PDIA5: variants seen among roughly 807,000 people sequenced by gnomAD.
PDIA5 encodes protein disulfide-isomerase A5.
PDIA5 carries 58 observed loss-of-function variants against 77.6 expected under a neutral mutation model. The ratio of observed to expected loss-of-function variants is 0.75; its 90% confidence interval spans 0.61 to 0.93. The LOEUF (loss-of-function observed/expected upper bound fraction) is 0.93, where lower values mean the gene tolerates loss of function less well. PDIA5 is among the 40% of genes least tolerant of loss of function. PDIA5 has a pLI of 0.00. For synonymous variants in PDIA5, 250 were observed against 252.1 expected (o/e 0.99, Z 0.08); for missense variants, 630 against 647.7 (o/e 0.97, Z 0.30).
chr3:123,141,242 GC>G (rs1349076098), intron 11 of PDIA5, among the ~76,000 whole-genome samples: 2 of 152,192 alleles, frequency 1.3e-5, no homozygotes, highest in African/African-American at 4.8e-5. Flanking sequence ...CATGGGCCCT[GC>G]CAGCAGCTGG....
intron 1 of PDIA5, among the ~76,000 whole-genome samples, chr3:123,070,929 G>T (rs949551860): frequency 4.0e-5 from 6 of 151,720 alleles, no homozygotes; most frequent in Admixed American, 6.6e-5. Flanking sequence ...AAAAAAAAAT[G>T]GTGTATTTTT....
At chr3:123,081,296 T>C (rs1933998041) in intron 1 of PDIA5, among the ~76,000 whole-genome samples, 1 of 152,172 alleles carries the variant, frequency 6.6e-6, no homozygotes, top group African/African-American at 2.4e-5. Context: ...GGAAACAGAC[T>C]TGGAGAAGGA....
intron 8 of PDIA5, 62 bp from the exon 9 acceptor site, chr3:123,124,004 T>A (rs113671183): frequency 1.1e-5 from 11 of 1,002,404 alleles, no homozygotes; most frequent in Non-Finnish European, 1.8e-5. Context: ...ACAGATGGCG[T>A]GTGGACTAGA....
chr3:123,082,559 C>G (rs1442500370), intron 1 of PDIA5, among the ~76,000 whole-genome samples: 1 of 151,996 alleles, frequency 6.6e-6, no homozygotes, highest in African/African-American at 2.4e-5. Context: ...TTTCTGGTGG[C>G]TGAATGTGTG....
chr3:123,084,247 T>G (rs1033899279), intron 1 of PDIA5, among the ~76,000 whole-genome samples: 17 of 152,150 alleles, frequency 1.1e-4, no homozygotes, highest in African/African-American at 3.9e-4. Flanking sequence ...CTTCCCATTA[T>G]CACCGCAGCT....
At chr3:123,129,160 T>C (rs1935313734) in intron 10 of PDIA5, among the ~76,000 whole-genome samples, 1 of 152,250 alleles carries the variant, frequency 6.6e-6, no homozygotes, top group Non-Finnish European at 1.5e-5. Context: ...TGGTGGTGTT[T>C]TGAGGGGTCA....
chr3:123,128,367 T>C (rs1935290798), intron 10 of PDIA5, among the ~76,000 whole-genome samples: 2 of 152,204 alleles, frequency 1.3e-5, no homozygotes. Flanking sequence ...AACTAGAAGT[T>C]CCTCCCGTTC....
At chr3:123,143,391 A>AAG (rs201851049) in intron 11 of PDIA5, among the ~76,000 whole-genome samples, 14 of 148,780 alleles carry the variant, frequency 9.4e-5, no homozygotes, top group African/African-American at 3.0e-4. Flanking sequence ...CATCTCAAAA[A>AAG]AAAAAAAAAA....
chr3:123,142,956 A>G (rs1210096387), intron 11 of PDIA5, among the ~76,000 whole-genome samples: 1 of 152,114 alleles, frequency 6.6e-6, no homozygotes, highest in Non-Finnish European at 1.5e-5. Context: ...TCAACCCAGG[A>G]GTTGTCTACT....
chr3:123,128,177 A>G (rs836859), intron 10 of PDIA5, among the ~76,000 whole-genome samples: 108,325 of 152,208 alleles, frequency 0.71, 39,478 homozygotes, highest in Non-Finnish European at 0.8. Flanking sequence ...GTTTTCAGCC[A>G]CAGGCTATAG....
chr3:123,102,130 G>A (rs959278506), intron 3 of PDIA5, among the ~76,000 whole-genome samples: 2 of 151,872 alleles, frequency 1.3e-5, no homozygotes, highest in African/African-American at 4.8e-5. Context: ...GGCTGGTCTC[G>A]AACTCCTGAC....
chr3:123,141,247 C>T (rs905963153), intron 11 of PDIA5, among the ~76,000 whole-genome samples: 3 of 152,180 alleles, frequency 2.0e-5, no homozygotes, highest in Non-Finnish European at 2.9e-5. Flanking sequence ...GCCCTGCCAG[C>T]AGCTGGCCTA....
intron 6 of PDIA5, 21 bp downstream of exon 6, chr3:123,106,862 T>A: frequency 6.5e-7 from 1 of 1,529,742 alleles, no homozygotes; most frequent in Non-Finnish European, 9.0e-7. Flanking sequence ...CCCCGTCAGT[T>A]CTGATGGATG....
At chr3:123,106,875 G>GCATCCATCA in intron 6 of PDIA5, 34 bp downstream of exon 6, 1 of 1,427,846 alleles carries the variant, frequency 7.0e-7, no homozygotes, top group Non-Finnish European at 9.8e-7. Context: ...GATGGATGCT[G>GCATCCATCA]GAAGCTTCCC....
intron 3 of PDIA5, among the ~76,000 whole-genome samples, chr3:123,099,722 C>T (rs1003138217): frequency 1.3e-5 from 2 of 152,196 alleles, no homozygotes; most frequent in African/African-American, 4.8e-5. Flanking sequence ...TTGCCTGGGC[C>T]CTCAGGGAAC....
At chr3:123,096,619 A>G (rs917825041) in intron 3 of PDIA5, among the ~76,000 whole-genome samples, 2 of 151,960 alleles carry the variant, frequency 1.3e-5, no homozygotes, top group African/African-American at 4.8e-5. Flanking sequence ...GGAACACACA[A>G]ACACTTCTCT....
At chr3:123,137,883 A>G (rs1374383651) in intron 11 of PDIA5, among the ~76,000 whole-genome samples, 1 of 152,168 alleles carries the variant, frequency 6.6e-6, no homozygotes, top group Non-Finnish European at 1.5e-5. Context: ...TTTTGTTATA[A>G]TGTTTTTATT....
At chr3:123,081,344 C>T (rs914726054) in intron 1 of PDIA5, among the ~76,000 whole-genome samples, 4 of 152,180 alleles carry the variant, frequency 2.6e-5, no homozygotes, top group Non-Finnish European at 5.9e-5. Context: ...CAGCACAAAA[C>T]TTGAGCTTCT....
chr3:123,151,791 TCCTGCCTGCCTGCCTTCCTGCCTG>T (rs1560561736), intron 14 of PDIA5, among the ~76,000 whole-genome samples: 9 of 96,496 alleles, frequency 9.3e-5, no homozygotes, highest in Admixed American at 1.1e-4. Context: ...TGGCCTGCCT[TCCTGCCTGCCTGCCTTCCTGCCTG>T]CCTGCCTGCC....
Sources: allele counts gnomAD v4.1 joint callset (sites outside exome capture counted in the v4.1 genomes callset), GRCh38; gene constraint gnomAD v4.1.1; transcripts MANE v1.5; gene names NCBI Gene and HGNC (gene_info 2026-07-23, HGNC 2026-07-21).